The following ECE1 variants were observed in gnomAD, a reference collection of about 807,000 sequenced individuals.
The protein encoded by ECE1 is endothelin converting enzyme 1.
A neutral mutation model predicts 98.6 loss-of-function variants in ECE1; 35 were observed. That is an observed-to-expected ratio of 0.35 (90% CI 0.27 to 0.47). ECE1 has a LOEUF of 0.47. Among genes scored for constraint, ECE1 ranks in the 20% least tolerant of loss-of-function variants. The pLI is 1.00. For synonymous variants in ECE1, 394 were observed against 407.1 expected, an observed-to-expected ratio of 0.97 and a Z score of 0.39; for missense variants, 814 against 1,025.3, an observed-to-expected ratio of 0.79 and a Z score of 2.81.
intron 8 of ECE1, among the ~76,000 whole-genome samples, chr1:21,250,144 C>T (rs375206603): frequency 5.3e-4 from 81 of 152,188 alleles, no homozygotes; most frequent in African/African-American, 1.9e-3. Flanking sequence ...CTGGCCCCAA[C>T]CCCCACTCCT....
chr1:21,336,530 A>C (rs1338441285), intron 1 of ECE1, among the ~76,000 whole-genome samples: 1 of 152,188 alleles, frequency 6.6e-6, no homozygotes, highest in Non-Finnish European at 1.5e-5. Flanking sequence ...CCCCGTCTCT[A>C]CTAAAAATAC....
chr1:21,282,844 A>G (rs1216254657), intron 2 of ECE1, among the ~76,000 whole-genome samples: 1 of 152,144 alleles, frequency 6.6e-6, no homozygotes, highest in Non-Finnish European at 1.5e-5. Flanking sequence ...GAAAGGGAAA[A>G]AAGAACAATG....
chr1:21,335,770 A>G (rs1639295145), intron 1 of ECE1, among the ~76,000 whole-genome samples: 1 of 152,184 alleles, frequency 6.6e-6, no homozygotes, highest in Non-Finnish European at 1.5e-5. Flanking sequence ...GAGGCACCAA[A>G]CACCAGGAGC....
chr1:21,236,030 G>A, intron 12 of ECE1, 103 bp from the exon 13 acceptor site: 1 of 1,055,478 alleles, frequency 9.5e-7, no homozygotes, highest in South Asian at 1.3e-5. Flanking sequence ...GGGAACCAGA[G>A]CCAGGCCCTG....
intron 9 of ECE1, among the ~76,000 whole-genome samples, chr1:21,246,513 A>AG (rs2098203858): frequency 6.8e-6 from 1 of 146,682 alleles, no homozygotes; most frequent in African/African-American, 2.6e-5. Context: ...AAAAAAAAAA[A>AG]AGAAAAGAAA....
At position 21,342,563 on chromosome 1, in the gene ECE1, G is replaced by A. The variant is rs578012978; in HGVS notation, c.3+2813C>T. Among the ~76,000 whole-genome samples the A allele has an allele frequency of 7.3e-5, 11 of 151,700 alleles. 1 individual carries two copies. The South Asian group carries it at 2.1e-3, about 29-fold the overall frequency. On this transcript the variant is annotated intron_variant, in intron 1 of 18. Transcript: ENST00000415912. Reference sequence around the variant, plus strand: ...GGTGACCATCAGGGAGATTCAGTGAGGACAACAGGAAACACATCACACAGA... The same window carrying A: ...GGTGACCATCAGGGAGATTCAGTGAAGACAACAGGAAACACATCACACAGA...
intron 8 of ECE1, among the ~76,000 whole-genome samples, chr1:21,247,615 C>T (rs780617835): frequency 2.0e-5 from 3 of 152,152 alleles, no homozygotes; most frequent in Admixed American, 6.5e-5. Flanking sequence ...CAGCAGCTGC[C>T]GCTACCATTC....
rs34861827 is a variant in ECE1, at chr1:21,301,827, G to GAA, written c.4-11673_4-11672dup. On this transcript the variant is annotated intron_variant, in intron 1 of 18. Coordinates refer to the ECE1 transcript ENST00000415912. ...GGTGACAGAGTGAGACCCTGTCTCA[G>GAA]AAAAAAAAAAAAAAAAAAAAAAAAA... 3.7e-3 allele frequency among the ~76,000 whole-genome samples: 126 copies of GAA among 33,934 alleles called. 2 individuals carry two copies. Among genetic ancestry groups the GAA allele is most frequent in the Non-Finnish European group, 4.3e-3 (75 of 17,386 alleles). The allele number at this position is 33,934 out of a possible 152,430, so 22.3% of individuals were successfully genotyped here.
chr1:21,246,821 G>A (rs1164462765), intron 9 of ECE1, among the ~76,000 whole-genome samples: 1 of 152,146 alleles, frequency 6.6e-6, no homozygotes, highest in African/African-American at 2.4e-5. Context: ...CACCATGTCT[G>A]GCTAATTTTT....
upstream of ECE1, among the ~76,000 whole-genome samples, chr1:21,292,115 C>T (rs2098267098): frequency 6.6e-6 from 1 of 151,900 alleles, no homozygotes; most frequent in South Asian, 2.1e-4. Flanking sequence ...GTGATTGCAC[C>T]ACTGCACTCC....
chr1:21,256,458 A>G (rs2098220074), intron 7 of ECE1, among the ~76,000 whole-genome samples: 1 of 152,180 alleles, frequency 6.6e-6, no homozygotes, highest in Non-Finnish European at 1.5e-5. Context: ...CAGGAGGCTG[A>G]GGCAGGAGAA....
intron 1 of ECE1, among the ~76,000 whole-genome samples, chr1:21,337,883 C>A (rs1348563248): frequency 6.6e-6 from 1 of 152,220 alleles, no homozygotes; most frequent in Admixed American, 6.5e-5. Flanking sequence ...GCAGATCCCG[C>A]CTCCCTGCCC....
chr1:21,240,107 G>A (rs890361465), intron 10 of ECE1, among the ~76,000 whole-genome samples: 3 of 152,178 alleles, frequency 2.0e-5, no homozygotes, highest in Non-Finnish European at 4.4e-5. Context: ...GGAGGCGGAG[G>A]TTGCAGTGAG....
In ECE1 at chr1:21,285,709, A is replaced by AG. The variant is rs1553365997; in HGVS notation, c.138+4360dup. Reference sequence around the variant, plus strand: ...TGCCTCAAAAAAAAAAAAAAAAAAAAGGCTGGGCACAGTGGCTCATGCCTG... The same window carrying AG: ...TGCCTCAAAAAAAAAAAAAAAAAAAAGGGCTGGGCACAGTGGCTCATGCCTG... On this transcript the variant is annotated intron_variant, in intron 2 of 18. Transcript: ENST00000374893. 4.6e-3 allele frequency among the ~76,000 whole-genome samples: 682 copies of AG among 149,270 alleles called. 12 individuals are homozygous for AG. Among genetic ancestry groups the AG allele is most frequent in the African/African-American group, 0.016 (625 of 40,154 alleles).
At chr1:21,250,273 C>G (rs979145633) in intron 8 of ECE1, among the ~76,000 whole-genome samples, 22 of 152,192 alleles carry the variant, frequency 1.4e-4, no homozygotes, top group African/African-American at 4.1e-4. Flanking sequence ...GCACAGTATC[C>G]TCAAGTAAAG....
At chr1:21,268,552 A>G (rs535516678) in intron 4 of ECE1, among the ~76,000 whole-genome samples, 2 of 152,364 alleles carry the variant, frequency 1.3e-5, no homozygotes, top group African/African-American at 4.8e-5. Flanking sequence ...TGGCTTGCCC[A>G]AGGTCACACA....
chr1:21,227,368 G>T, intron 15 of ECE1, 142 bp from the exon 16 acceptor site: 1 of 862,028 alleles, frequency 1.2e-6, no homozygotes, highest in Non-Finnish European at 1.9e-6. Context: ...GTGTGGTCAT[G>T]GCCTGAGTCT....
chr1:21,338,661 C>T (rs1639346532), intron 1 of ECE1, among the ~76,000 whole-genome samples: 1 of 152,206 alleles, frequency 6.6e-6, no homozygotes, highest in African/African-American at 2.4e-5. Context: ...GATGGGAAGA[C>T]TGAGGCCCAC....
intron 1 of ECE1, chr1:21,298,934 G>C (rs983769389): frequency 1.8e-5 from 8 of 455,260 alleles, no homozygotes; most frequent in Non-Finnish European, 3.5e-5. Context: ...AGCTGGTCCT[G>C]ACTCCAGGGC....
Sources: gnomAD v4.1 joint callset for allele counts (sites outside exome capture counted in the v4.1 genomes callset) on GRCh38, gnomAD v4.1.1 for gene constraint, MANE v1.5 for transcripts, NCBI Gene and HGNC (gene_info 2026-07-23, HGNC 2026-07-21) for gene names.